The following FAT2 variants were observed in gnomAD, a reference collection of about 807,000 sequenced individuals.
The protein encoded by FAT2 is protocadherin Fat 2.
FAT2 carries 150 observed loss-of-function variants against 295.3 expected under a neutral mutation model. The ratio of observed to expected loss-of-function variants is 0.51; its 90% CI spans 0.44 to 0.58. The LOEUF is 0.58. FAT2 is among the 20% of genes least tolerant of loss of function. The pLI is 0.00. For synonymous variants in FAT2, 2,026 were observed against 2,150.3 expected, an observed-to-expected ratio of 0.94 and a Z score of 1.60; for missense variants, 4,868 against 5,442.7, an observed-to-expected ratio of 0.89 and a Z score of 3.32.
chr5:151,513,494 C>G (rs1752525351), intron 20 of FAT2, among the ~76,000 whole-genome samples: 1 of 152,110 alleles, frequency 6.6e-6, no homozygotes, highest in Admixed American at 6.5e-5. Context: ...AACACAGGAA[C>G]AGGAAATCAA....
Position 151,543,552 on chromosome 5 carries a change from T to G in FAT2, c.7575A>C (p.Ala2525=). 1.2e-6 allele frequency: 2 copies of G among 1,614,196 alleles called. No homozygotes were observed. The highest frequency in any genetic ancestry group is 1.7e-6 in the Non-Finnish European group (2 of 1,180,034). ...TGGGGTTTATGGAGAACTTCTCACT[T>G]GCTAGTTTATTGATGATAGTATAAT... ...TIDYTIINKL[A]SEKFSINPNG... The change falls in exon 10 of 24, where the codon GCA becomes GCC. Residue 2525 remains alanine, a synonymous_variant. Coordinates refer to ENST00000261800, the MANE Select transcript of FAT2 (RefSeq NM_001447.3).
In FAT2 at chr5:151,517,482, A is replaced by G. The variant is rs935200183; in HGVS notation, c.11463+138T>C. 8.6e-6 allele frequency: 9 copies of G among 1,052,054 alleles called. No homozygotes were observed. In the East Asian group the frequency reaches 1.8e-4, roughly 21 times the overall value. The allele number at this position is 1,052,054 out of a possible 1,614,324, so 65.2% of individuals were successfully genotyped here. A position where few individuals can be genotyped will look rare whatever the true frequency, so the allele number is the denominator to read the frequency against. On this transcript the variant is annotated intron_variant, in intron 20 of 23. Transcript: ENST00000261800. ...GGACAGGATAATCATGTGGCCCAAC[A>G]GTCACACCCAGAATCCCTGAAAACT...
chr5:151,575,681 G>C (rs11746958), intron 1 of FAT2, among the ~76,000 whole-genome samples: 1 of 151,910 alleles, frequency 6.6e-6, no homozygotes, highest in African/African-American at 2.4e-5. Context: ...AGGTTCACTC[G>C]TCTAGTAGGT....
chr5:151,542,748 A>G lies in FAT2; in HGVS notation c.8379T>C (p.Asn2793=), dbSNP rs769477019. Residue 2793 remains asparagine, a synonymous_variant, in exon 10 of 24, where the codon AAT becomes AAC. Coordinates refer to ENST00000261800, the MANE Select transcript of FAT2 (RefSeq NM_001447.3). The part of the protein sequence containing the change: ...VNIQVGDVND[N]RPVFEADPYK... ...ATGGATCAGCCTCAAATACAGGCCT[A>G]TTGTCATTGACGTCTCCCACTTGGA... The G allele has an allele frequency of 1.2e-5, 19 of 1,614,212 alleles. No individual in the cohort carries two copies. Among genetic ancestry groups the G allele is most frequent in the East Asian group, 4.5e-5 (2 of 44,880 alleles).
chr5:151,531,512 C>G lies in FAT2; in HGVS notation c.9811+75G>C. 1.9e-6 allele frequency: 3 copies of G among 1,580,202 alleles called. 1 individual carries two copies. The South Asian group carries it at 3.5e-5, about 18-fold the overall frequency. On this transcript the variant is annotated intron_variant, in intron 14 of 23. Transcript: ENST00000261800. The surrounding 1 kb of genome is among the most constrained non-coding windows in gnomAD (Gnocchi z 5.7). ...GGAGGCGCTGCACAGGGTAGATACC[C>G]ACACAGGGGAGGAACCCAGCGCTCC...
Position 151,513,202 on chromosome 5 carries a change from G to A in FAT2, c.11464-596C>T, listed in dbSNP as rs114105099. Among the ~76,000 whole-genome samples the A allele has an allele frequency of 6.7e-3, 1,014 of 152,308 alleles. 10 individuals are homozygous for A. Among genetic ancestry groups the A allele is most frequent in the African/African-American group, 0.024 (978 of 41,546 alleles). On this transcript the variant is annotated intron_variant, in intron 20 of 23. Coordinates refer to ENST00000261800, the MANE Select transcript of FAT2 (RefSeq NM_001447.3). ...CTATCTTCTATTAAGCCAGGCAAAA[G>A]AGAGGCTTGCAAAAATGTAAAACAA...
intron 1 of FAT2, among the ~76,000 whole-genome samples, chr5:151,586,349 G>T (rs915542271): frequency 5.9e-5 from 9 of 152,220 alleles, no homozygotes; most frequent in African/African-American, 2.2e-4. Flanking sequence ...AGGATAGATG[G>T]CATTTTCCTG....
chr5:151,546,242 T>A lies in FAT2; in HGVS notation c.4885A>T (p.Thr1629Ser), dbSNP rs1186372976. The A allele has an allele frequency of 6.2e-7, 1 of 1,614,140 alleles. No homozygotes were observed. The highest frequency in any genetic ancestry group is 1.1e-5 in the South Asian group (1 of 91,086). The part of the protein sequence containing the change: ...DQANHAPHTL[T>S]VKAEDQGSPQ... Reference sequence around the variant, plus strand: ...GAGCCTTGATCTTCTGCCTTCACTGTCAGAGTATGTGGGGCATGATTTGCC... The same window carrying A: ...GAGCCTTGATCTTCTGCCTTCACTGACAGAGTATGTGGGGCATGATTTGCC... Residue 1629 changes from threonine to serine, a missense_variant, in exon 10 of 24, where the codon ACA (threonine) becomes TCA (serine). By Grantham distance (58) the Thr-to-Ser change is moderately conservative. Around this residue, in one of 5 missense-constraint regions of FAT2, gnomAD observed 3,297 missense variants for 3,669.4 expected, o/e 0.90. Transcript: ENST00000261800.
At chr5:151,511,937 T>TC (rs1761354776) in intron 21 of FAT2, 1 of 564,412 alleles carries the variant, frequency 1.8e-6, no homozygotes, top group South Asian at 2.2e-5. Flanking sequence ...ATTCATATCC[T>TC]CCCTCATCCC....
intron 4 of FAT2, 144 bp from the exon 5 acceptor site, chr5:151,554,817 AGCTCTCTGGCAACTTT>A: frequency 1.5e-6 from 1 of 680,684 alleles, no homozygotes; most frequent in South Asian, 1.9e-5. Context: ...CTTGGAACTC[AGCTCTCTGGCAACTTT>A]GCCCCTGGGA....
chr5:151,517,413 G>A (rs374791949), intron 20 of FAT2, among the ~76,000 whole-genome samples: 2 of 152,172 alleles, frequency 1.3e-5, no homozygotes, highest in East Asian at 1.9e-4. Context: ...ACTTGTGACC[G>A]TCCTTGGACG....
intron 1 of FAT2, among the ~76,000 whole-genome samples, chr5:151,572,593 G>C (rs1225318202): frequency 6.6e-6 from 1 of 152,196 alleles, no homozygotes; most frequent in Non-Finnish European, 1.5e-5. Flanking sequence ...CTGTGAGAGA[G>C]GGCTCTTAAG....
At chr5:151,575,495 T>C (rs1251570308) in intron 1 of FAT2, among the ~76,000 whole-genome samples, 2 of 152,180 alleles carry the variant, frequency 1.3e-5, no homozygotes, top group Non-Finnish European at 2.9e-5. Flanking sequence ...AAGATAATGG[T>C]ACTCACCTCC....
In FAT2 at chr5:151,548,840, C is replaced by T. The variant is rs572984709; in HGVS notation, c.4789+455G>A. 4.9e-4 allele frequency among the ~76,000 whole-genome samples: 75 copies of T among 152,212 alleles called. 1 individual carries two copies. In the Middle Eastern group the frequency reaches 0.017, roughly 35 times the overall value. On this transcript the variant is annotated intron_variant, in intron 9 of 23. Coordinates refer to ENST00000261800, the MANE Select transcript of FAT2 (RefSeq NM_001447.3). The stretch of plus-strand genomic sequence containing the variant: ...TTTCTGGCACAGGTAAGATTATTCC[C>T]GTTTTTGAGATGAAGAAACCCATAA...
chr5:151,505,828 G>A lies in FAT2; in HGVS notation c.12787C>T (p.Leu4263=), dbSNP rs765639933. The stretch of plus-strand genomic sequence containing the variant: ...TACTCATTGAGACAGGGGGCAACCA[G>A]GCGCTCCCGGGGACTAGGGGGCCGA... ...PSRPPSPRER[L]VAPCLNEYTA... is the part of the protein sequence containing the mutation. Residue 4263 remains leucine (L), a synonymous_variant, in exon 24 of 24, where the codon CTG becomes TTG. Coordinates refer to ENST00000261800, the MANE Select transcript of FAT2 (RefSeq NM_001447.3). 21 of 1,613,204 alleles carry A rather than the reference G, an allele frequency of 1.3e-5. No homozygotes were observed. In the Admixed American group the frequency reaches 2.8e-4, roughly 22 times the overall value.
chr5:151,505,730 G>A lies in FAT2; in HGVS notation c.12885C>T (p.Tyr4295=). 1 of 1,613,790 alleles carries A rather than the reference G, an allele frequency of 6.2e-7. No homozygotes were observed. Among genetic ancestry groups the A allele is most frequent in the Non-Finnish European group, 8.5e-7 (1 of 1,179,762 alleles). ...GGCTGAGGCGCATACCCACCCCCTT[G>A]TAGCCCCCGTCTGCCAGGCAGGGCC... ...GGGPCLADGG[Y]KGVGMRLSRA... Residue 4295 remains tyrosine, a synonymous_variant, in exon 24 of 24, where the codon TAC becomes TAT. Coordinates refer to ENST00000261800, the MANE Select transcript of FAT2 (RefSeq NM_001447.3).
intron 22 of FAT2, 23 bp downstream of exon 22, chr5:151,509,998 C>A (rs1410689621): frequency 1.2e-6 from 2 of 1,610,178 alleles, no homozygotes; most frequent in African/African-American, 2.8e-5. Context: ...GAGCCCATGG[C>A]AGGTGGCCTC....
intron 1 of FAT2, among the ~76,000 whole-genome samples, chr5:151,583,602 A>G (rs1256716038): frequency 6.6e-6 from 1 of 152,200 alleles, no homozygotes. Flanking sequence ...GTAATATTCT[A>G]TTTATTAATC....
chr5:151,566,662 C>T lies in FAT2; in HGVS notation c.2270G>A (p.Gly757Asp), dbSNP rs1176363473. 6 of 1,614,138 alleles carry T rather than the reference C, an allele frequency of 3.7e-6. No homozygotes were observed. The highest frequency in any genetic ancestry group is 5.1e-6 in the Non-Finnish European group (6 of 1,180,042). The change falls in exon 2 of 24, where the codon GGC becomes GAC. Residue 757 changes from glycine to aspartate, a missense_variant. Gly to Asp is a moderately conservative substitution (Grantham distance 94). Coordinates refer to ENST00000261800, the MANE Select transcript of FAT2 (RefSeq NM_001447.3). The stretch of plus-strand genomic sequence containing the variant: ...TATGTCAAAGCAGCCCTCCTCATTG[C>T]CATCTGCAATCACATAGACCAGTTT... The part of the protein sequence containing the change: ...NGKLVYVIAD[G>D]NEEGCFDIEL...
Sources: gnomAD v4.1 joint callset for allele counts (sites outside exome capture counted in the v4.1 genomes callset) on GRCh38, gnomAD v4.1.1 for gene constraint, gnomAD v4.1.1 regional missense constraint, Gnocchi (gnomAD v3.1) non-coding constraint, MANE v1.5 for transcripts, NCBI Gene and HGNC (gene_info 2026-07-23, HGNC 2026-07-21) for gene names.